Variants in LHCGR observed in about 807,000 individuals in gnomAD.
LHCGR encodes luteinizing hormone/choriogonadotropin receptor, also known as lutropin-choriogonadotropic hormone receptor.
Under a neutral mutation model 60.7 loss-of-function variants are expected in LHCGR, and 55 were observed. The observed-to-expected ratio is 0.91, with a 90% confidence interval of 0.73 to 1.13. The LOEUF (loss-of-function observed/expected upper bound fraction) is 1.13, where lower values mean the gene tolerates loss of function less well. Among genes scored for constraint, LHCGR ranks in the 50% most tolerant of loss-of-function variants. The pLI is 0.00. For missense variants in LHCGR, 862 were observed against 836.0 expected (o/e 1.03, Z -0.38); for synonymous variants, 337 against 316.5 (o/e 1.06, Z -0.69).
At chr2:48,734,223 T>A (rs1272206413) in intron 1 of LHCGR, among the ~76,000 whole-genome samples, 1 of 152,096 alleles carries the variant, frequency 6.6e-6, no homozygotes, top group Non-Finnish European at 1.5e-5. Context: ...GGGTGGATCT[T>A]CAAATCATGG....
chr2:48,752,981 C>CGGGGGGGGGGGGGGTGGGG (rs1670031976), intron 1 of LHCGR, among the ~76,000 whole-genome samples: 2 of 7,628 alleles, frequency 2.6e-4, no homozygotes, highest in Non-Finnish European at 5.1e-4. Flanking sequence ...CGGATTTTGG[C>CGGGGGGGGGGGGGGTGGGG]GGGGGGGGGG....
intron 1 of LHCGR, among the ~76,000 whole-genome samples, chr2:48,747,156 C>G (rs1347698319): frequency 6.6e-6 from 1 of 151,678 alleles, no homozygotes; most frequent in Non-Finnish European, 1.5e-5. Context: ...GTGGTGCGAT[C>G]TCGGTTCACT....
At chr2:48,728,841 A>T (rs977621607) in intron 3 of LHCGR, among the ~76,000 whole-genome samples, 2 of 152,112 alleles carry the variant, frequency 1.3e-5, no homozygotes, top group African/African-American at 2.4e-5. Flanking sequence ...AAATTTTCCC[A>T]CTATCCCAAG....
chr2:48,714,042 T>G lies in LHCGR; in HGVS notation c.549A>C (p.Gly183=). The change falls in exon 7 of 11, where the codon GGA becomes GGC. Residue 183 remains glycine (G), a synonymous_variant. Coordinates refer to ENST00000294954, the MANE Select transcript of LHCGR (RefSeq NM_000233.4). ...NNESVTLKLY[G]NGFEEVQSHA... ...GACTTTGTACTTCTTCAAATCCATT[T>G]CCATATAGTTTGCTGAAGGAGGGAG... 1 of 1,612,654 alleles carries G rather than the reference T, an allele frequency of 6.2e-7. No individual in the cohort carries two copies. Among genetic ancestry groups the G allele is most frequent in the Non-Finnish European group, 8.5e-7 (1 of 1,178,720 alleles).
intron 6 of LHCGR, among the ~76,000 whole-genome samples, chr2:48,715,931 C>T (rs1315835875): frequency 1.3e-5 from 2 of 152,162 alleles, no homozygotes; most frequent in East Asian, 3.9e-4. Flanking sequence ...TGGTGCCTAG[C>T]TCAGTCAATA....
intron 1 of LHCGR, chr2:48,732,911 T>C (rs1031861726): frequency 1.9e-6 from 1 of 534,554 alleles, no homozygotes; most frequent in East Asian, 5.4e-5. Flanking sequence ...AAGAAGGACA[T>C]CGTTTAACAC....
chr2:48,740,788 T>C (rs1669412903), intron 1 of LHCGR, among the ~76,000 whole-genome samples: 1 of 152,118 alleles, frequency 6.6e-6, no homozygotes, highest in African/African-American at 2.4e-5. Flanking sequence ...AGAGTGCCTC[T>C]CCTCCTCCAA....
At chr2:48,703,840 C>A (rs893205965) in intron 8 of LHCGR, among the ~76,000 whole-genome samples, 1 of 152,198 alleles carries the variant, frequency 6.6e-6, no homozygotes, top group Non-Finnish European at 1.5e-5. Flanking sequence ...CAAACAGAGA[C>A]AATTTGACTT....
chr2:48,705,591 A>G (rs1354353134), intron 8 of LHCGR, among the ~76,000 whole-genome samples: 3 of 152,192 alleles, frequency 2.0e-5, no homozygotes, highest in Non-Finnish European at 4.4e-5. Context: ...GGGTGCATAT[A>G]TATTTAGGAG....
At chr2:48,702,687 A>G (rs1667470726) in intron 8 of LHCGR, among the ~76,000 whole-genome samples, 2 of 152,170 alleles carry the variant, frequency 1.3e-5, no homozygotes, top group African/African-American at 4.8e-5. Flanking sequence ...GTTGGTTCCA[A>G]GTCTTTGCTA....
At chr2:48,717,252 T>G (rs1360486510) in intron 6 of LHCGR, among the ~76,000 whole-genome samples, 1 of 152,220 alleles carries the variant, frequency 6.6e-6, no homozygotes, top group Non-Finnish European at 1.5e-5. Flanking sequence ...TGATCCTTGT[T>G]TGATACATGT....
intron 8 of LHCGR, among the ~76,000 whole-genome samples, chr2:48,705,072 A>G (rs920387415): frequency 2.0e-5 from 3 of 152,266 alleles, no homozygotes; most frequent in Non-Finnish European, 2.9e-5. Context: ...TGTGTCCCAG[A>G]GATTCTGGTA....
At chr2:48,698,907 C>T (rs1399788320) in intron 8 of LHCGR, 107 bp from the exon 9 acceptor site, 24 of 851,758 alleles carry the variant, frequency 2.8e-5, no homozygotes, top group Middle Eastern at 3.6e-4. Flanking sequence ...AGTGGCACGA[C>T]CTCGGCTCAC....
At chr2:48,717,474 A>G (rs562743582) in intron 6 of LHCGR, among the ~76,000 whole-genome samples, 131 of 152,336 alleles carry the variant, frequency 8.6e-4, no homozygotes, top group African/African-American at 2.8e-3. Flanking sequence ...GTAAGGACTG[A>G]AAATGTAAAT....
At chr2:48,706,968 G>A (rs954669088) in intron 8 of LHCGR, among the ~76,000 whole-genome samples, 1 of 152,146 alleles carries the variant, frequency 6.6e-6, no homozygotes, top group Non-Finnish European at 1.5e-5. Context: ...GAGGAGAAGC[G>A]ATGTTCTGGT....
intron 8 of LHCGR, chr2:48,708,649 G>C: frequency 1.9e-6 from 1 of 527,168 alleles, no homozygotes; most frequent in East Asian, 3.4e-5. Context: ...CACAAGCTAG[G>C]AGAGGCCTGG....
In LHCGR at chr2:48,687,439, A is replaced by G. The variant is rs1267148820; in HGVS notation, c.*258T>C. The G allele has an allele frequency of 2.5e-6, 1 of 400,540 alleles. No homozygotes were observed. The highest frequency in any genetic ancestry group is 4.5e-6 in the Non-Finnish European group (1 of 224,514). The allele number at this position is 400,540 out of a possible 1,614,324, so 24.8% of individuals were successfully genotyped here. A position where few individuals can be genotyped will look rare whatever the true frequency, so the allele number is the denominator to read the frequency against. ...AGTTTTTTAAAAGATTCATCAAACAAAATTACTGTGTCAAAATTTCTATAA... is the reference window on the plus strand; with the variant it reads ...AGTTTTTTAAAAGATTCATCAAACAGAATTACTGTGTCAAAATTTCTATAA... On this transcript the variant is annotated 3_prime_UTR_variant, in exon 11 of 11. Transcript: ENST00000294954.
intron 9 of LHCGR, among the ~76,000 whole-genome samples, chr2:48,696,980 G>A (rs1262428807): frequency 6.6e-6 from 1 of 152,208 alleles, no homozygotes; most frequent in African/African-American, 2.4e-5. Flanking sequence ...TTGCTGCAAA[G>A]TGGTATTTTA....
At position 48,687,337 on chromosome 2, in the gene LHCGR, C is replaced by T. The variant is rs10495956; in HGVS notation, c.*360G>A. ...AGGCCAGTTATTTTAAATTTCTGAT[C>T]TGTTATGAACTAATATTTTTATAGA... On this transcript the variant is annotated 3_prime_UTR_variant, in exon 11 of 11. Coordinates refer to ENST00000294954, the MANE Select transcript of LHCGR (RefSeq NM_000233.4). 6,690 of 190,948 alleles carry T rather than the reference C, an allele frequency of 0.035. 485 individuals are homozygous for T. The highest frequency in any genetic ancestry group is 0.15 in the African/African-American group (6,324 of 42,244). 11.8% of individuals were successfully genotyped at this position (190,948 alleles called of 1,614,324 possible).
Sources: allele counts gnomAD v4.1 joint callset (sites outside exome capture counted in the v4.1 genomes callset), GRCh38; gene constraint gnomAD v4.1.1; transcripts MANE v1.5; gene names NCBI Gene and HGNC (gene_info 2026-07-23, HGNC 2026-07-21).